Variants in CSTF3 observed in about 807,000 individuals in gnomAD.
The protein encoded by CSTF3 is CF-1 77 kDa subunit.
In CSTF3, 29 loss-of-function variants were observed where a neutral mutation model predicts 105.8. That is an observed-to-expected ratio of 0.27 (90% CI 0.20 to 0.37). The LOEUF is 0.37. Ranked by LOEUF, CSTF3 falls within the 10% of genes least tolerant of loss-of-function variation. The probability of loss-of-function intolerance (pLI) is 1.00; values close to 1 mark genes in which losing one functional copy is unlikely to be tolerated. For missense variants in CSTF3, 357 were observed against 879.3 expected (o/e 0.41, Z 7.51); for synonymous variants, 252 against 281.9 (o/e 0.89, Z 1.06).
At chr11:33,098,886 TA>T in intron 12 of CSTF3, 122 bp from the exon 13 acceptor site, 2 of 1,305,956 alleles carry the variant, frequency 1.5e-6, no homozygotes, top group Non-Finnish European at 2.1e-6. Flanking sequence ...AGCATAAATA[TA>T]GTATAAGCTG....
At chr11:33,145,577 CCAA>C (rs1855771580) in intron 1 of CSTF3, among the ~76,000 whole-genome samples, 1 of 152,162 alleles carries the variant, frequency 6.6e-6, no homozygotes, top group African/African-American at 2.4e-5. Flanking sequence ...CTTTGGGAGG[CCAA>C]AGCAGGCAGC....
chr11:33,153,776 T>C (rs1313510341), intron 1 of CSTF3, among the ~76,000 whole-genome samples: 2 of 148,696 alleles, frequency 1.3e-5, no homozygotes, highest in Admixed American at 1.3e-4. Flanking sequence ...ATTAGAAGGG[T>C]GTTATATTAG....
intron 3 of CSTF3, among the ~76,000 whole-genome samples, chr11:33,139,450 T>C (rs1281501386): frequency 2.0e-5 from 3 of 151,952 alleles, no homozygotes; most frequent in Non-Finnish European, 4.4e-5. Context: ...TTCGGATTTT[T>C]AAAAAGTATT....
chr11:33,085,890 C>G lies in CSTF3; in HGVS notation c.1890+5G>C. 6.3e-7 allele frequency: 1 copy of G among 1,577,988 alleles called. No individual in the cohort carries two copies. The highest frequency in any genetic ancestry group is 8.6e-7 in the Non-Finnish European group (1 of 1,164,136). ...AGTATCTACCATGAAAATAAGTGAA[C>G]AAACCTGGAAACAGATAGGAGGAGG... On this transcript the variant is annotated splice_donor_5th_base_variant and intron_variant, in intron 19 of 20. Coordinates refer to ENST00000323959, the MANE Select transcript of CSTF3 (RefSeq NM_001326.3).
At chr11:33,127,172 TTATC>T (rs1194849778) in intron 3 of CSTF3, among the ~76,000 whole-genome samples, 1 of 152,178 alleles carries the variant, frequency 6.6e-6, no homozygotes, top group Non-Finnish European at 1.5e-5. Context: ...AATATGTGGA[TTATC>T]TATCATGCAG....
rs200887442 is a variant in CSTF3 at position 33,124,518 on chromosome 11, CATAAAA to C, written c.226-16106_226-16101del. 6.8e-3 allele frequency among the ~76,000 whole-genome samples: 1,031 copies of C among 152,100 alleles called. 8 individuals are homozygous for C. The highest frequency in any genetic ancestry group is 0.023 in the African/African-American group (964 of 41,482). ...GATTTATAATTCTACTTATAATAAA[CATAAAA>C]ATAAAACTCATAATCATTTTTGCCC... is the stretch of plus-strand genomic sequence containing the variant. On this transcript the variant is annotated intron_variant, in intron 3 of 20. Coordinates refer to ENST00000323959, the MANE Select transcript of CSTF3 (RefSeq NM_001326.3).
intron 1 of CSTF3, among the ~76,000 whole-genome samples, chr11:33,157,005 A>G (rs1849874637): frequency 6.6e-6 from 1 of 152,124 alleles, no homozygotes; most frequent in South Asian, 2.1e-4. Context: ...AGTAGTGCAC[A>G]AGGTTAAATA....
At chr11:33,160,830 T>G (rs1849930970) in intron 1 of CSTF3, among the ~76,000 whole-genome samples, 1 of 152,242 alleles carries the variant, frequency 6.6e-6, no homozygotes, top group East Asian at 1.9e-4. Context: ...GCTTCTTTCT[T>G]CACTCGCTCT....
chr11:33,101,230 G>T (rs1855277393), intron 10 of CSTF3, among the ~76,000 whole-genome samples: 1 of 152,140 alleles, frequency 6.6e-6, no homozygotes, highest in African/African-American at 2.4e-5. Flanking sequence ...AAATTGAGGA[G>T]ACATCCCCAA....
At chr11:33,154,738 G>A (rs1012902093) in intron 1 of CSTF3, among the ~76,000 whole-genome samples, 6 of 151,924 alleles carry the variant, frequency 3.9e-5, no homozygotes, top group Non-Finnish European at 7.4e-5. Flanking sequence ...CAAGTGATCC[G>A]CCAGCCTCAG....
chr11:33,159,275 T>C (rs1219673749), intron 1 of CSTF3, among the ~76,000 whole-genome samples: 1 of 151,872 alleles, frequency 6.6e-6, no homozygotes, highest in Non-Finnish European at 1.5e-5. Flanking sequence ...CTGGGCAACA[T>C]GGTGAATTCC....
At chr11:33,142,061 A>C (rs1166424995) in intron 1 of CSTF3, 75 bp from the exon 2 acceptor site, 1 of 1,592,228 alleles carries the variant, frequency 6.3e-7, no homozygotes. Flanking sequence ...CATGAACAAT[A>C]AAGTCCTCAG....
chr11:33,148,512 C>T (rs1013432661), intron 1 of CSTF3, among the ~76,000 whole-genome samples: 4 of 149,288 alleles, frequency 2.7e-5, no homozygotes, highest in African/African-American at 9.7e-5. Flanking sequence ...GCCTGACCAA[C>T]ACAGTGACAC....
intron 9 of CSTF3, 45 bp from the exon 10 acceptor site, chr11:33,102,384 T>C: frequency 6.3e-7 from 1 of 1,592,754 alleles, no homozygotes; most frequent in Non-Finnish European, 8.6e-7. Flanking sequence ...CAGGAACAAC[T>C]GAGATATATG....
chr11:33,085,355 G>T, intron 20 of CSTF3, 66 bp from the exon 21 acceptor site: 1 of 989,866 alleles, frequency 1.0e-6, no homozygotes. Flanking sequence ...ATGTTCAACT[G>T]TGGATACTTT....
chr11:33,115,534 T>A (rs896913855), intron 3 of CSTF3, among the ~76,000 whole-genome samples: 2 of 152,206 alleles, frequency 1.3e-5, no homozygotes, highest in African/African-American at 4.8e-5. Context: ...AGGAAAGTAG[T>A]GTCTGCAAAT....
At chr11:33,115,589 GA>G (rs58829460) in intron 3 of CSTF3, among the ~76,000 whole-genome samples, 110,872 of 152,038 alleles carry the variant, frequency 0.73, 40,702 homozygotes, top group African/African-American at 0.8. Flanking sequence ...TACTATGTGT[GA>G]CAAATAATTA....
At chr11:33,085,359 A>ATACTT (rs1358351089) in intron 20 of CSTF3, 70 bp from the exon 21 acceptor site, 7 of 1,218,856 alleles carry the variant, frequency 5.7e-6, no homozygotes, top group South Asian at 1.6e-5. Flanking sequence ...TCAACTGTGG[A>ATACTT]TACTTTATTT....
At chr11:33,086,082 T>C (rs1055282446) in intron 18 of CSTF3, 93 bp from the exon 19 acceptor site, 23 of 804,904 alleles carry the variant, frequency 2.9e-5, no homozygotes, top group Non-Finnish European at 4.2e-5. Context: ...ATCTTCCATG[T>C]CTGCTGCTTT....
Sources: allele counts gnomAD v4.1 joint callset (sites outside exome capture counted in the v4.1 genomes callset), GRCh38; gene constraint gnomAD v4.1.1; transcripts MANE v1.5; gene names NCBI Gene and HGNC (gene_info 2026-07-23, HGNC 2026-07-21).